Variants in ROBO4 observed in about 807,000 individuals in gnomAD.
ROBO4 encodes roundabout homolog 4.
A neutral mutation model predicts 103.3 loss-of-function variants in ROBO4; 80 were observed. The ratio of observed to expected loss-of-function variants is 0.77; its 90% CI spans 0.65 to 0.93. The LOEUF is 0.93. Among genes scored for constraint, ROBO4 ranks in the 40% least tolerant of loss-of-function variants. The pLI is 0.00. For synonymous variants in ROBO4, 504 were observed against 529.7 expected (o/e 0.95, Z 0.67); for missense variants, 1,333 against 1,305.3 (o/e 1.02, Z -0.33).
intron 1 of ROBO4, chr11:124,897,470 GCT>G (rs10553259): frequency 0.5 from 248,030 of 492,814 alleles, 34,219 homozygotes; most frequent in African/African-American, 0.62. Context: ...TAGCATGTTC[GCT>G]CTCTCTCTCT....
chr11:124,895,010 G>A, intron 7 of ROBO4, 71 bp downstream of exon 7: 3 of 1,157,786 alleles, frequency 2.6e-6, no homozygotes. Flanking sequence ...CAGAGCAAGG[G>A]TATGCAGAAC....
Position 124,885,127 on chromosome 11 carries a change from A to C in ROBO4, c.2915T>G (p.Leu972Arg). ...EDMEVSHTQR[L>R]GRGMPPWPPD... The stretch of plus-strand genomic sequence containing the variant: ...GGGCCAGGGAGGCATCCCCCTTCCC[A>C]GCCGCTGGGTGTGGCTGACCTCCAT... The change falls in exon 17 of 18, where the codon CTG (leucine) becomes CGG (arginine). Residue 972 changes from leucine to arginine, a missense_variant. Coordinates refer to ENST00000306534, the MANE Select transcript of ROBO4 (RefSeq NM_019055.6). 1 of 1,614,132 alleles carries C rather than the reference A, an allele frequency of 6.2e-7. No homozygotes were observed. Among genetic ancestry groups the C allele is most frequent in the Non-Finnish European group, 8.5e-7 (1 of 1,180,030 alleles).
intron 12 of ROBO4, among the ~76,000 whole-genome samples, chr11:124,889,373 T>C (rs1275670533): frequency 6.6e-6 from 1 of 152,162 alleles, no homozygotes; most frequent in East Asian, 1.9e-4. Context: ...CAGCCAGGCC[T>C]GGAAAAGGCC....
rs11827448 is a variant in ROBO4, at chr11:124,894,392, C to G, written c.1150-23G>C. On this transcript the variant is annotated intron_variant, in intron 7 of 17. Transcript: ENST00000306534. Reference sequence around the variant, plus strand: ...GACCTGAGGCACAAGCAGAGGTGAACAGCTTCCCCAGGCACCATCCCAGAA... The same window carrying G: ...GACCTGAGGCACAAGCAGAGGTGAAGAGCTTCCCCAGGCACCATCCCAGAA... The G allele has an allele frequency of 4.5e-3, 7,142 of 1,597,922 alleles. 290 individuals carry two copies. The African/African-American group carries it at 0.083, about 19-fold the overall frequency.
In ROBO4 at chr11:124,893,994, G is replaced by T; in HGVS notation, c.1370C>A (p.Thr457Asn). 1.9e-6 allele frequency: 3 copies of T among 1,577,456 alleles called. No individual in the cohort carries two copies. Among genetic ancestry groups the T allele is most frequent in the South Asian group, 1.2e-5 (1 of 84,074 alleles). Reference protein sequence around the residue: ...TQEPSEHGPWTLEQLRATLKR... With the variant: ...TQEPSEHGPWNLEQLRATLKR... Reference sequence around the variant, plus strand: ...CAAGGTAGCCCTCAGCTGCTCCAGGGTCCAGGGACCATGCTCACTGGGTTC... The same window carrying T: ...CAAGGTAGCCCTCAGCTGCTCCAGGTTCCAGGGACCATGCTCACTGGGTTC... Residue 457 changes from threonine (T) to asparagine (N), a missense_variant, in exon 9 of 18, where the codon ACC (threonine) becomes AAC (asparagine). Transcript: ENST00000306534.
rs142697888 is a variant in ROBO4 at position 124,895,501 on chromosome 11, C to T, written c.992G>A (p.Arg331Gln). 2.3e-5 allele frequency: 37 copies of T among 1,611,198 alleles called. No homozygotes were observed. Among genetic ancestry groups the T allele is most frequent in the African/African-American group, 1.3e-4 (10 of 75,042 alleles). ...GAGCAGCACGTTGCTGTCAGGGCCT[C>T]GAGCCCGGCCAGAGGATGGTCTCAC... is the stretch of plus-strand genomic sequence containing the variant. The part of the protein sequence containing the change: ...FKVRPSSGRA[R>Q]GPDSNVLLLR... Residue 331 changes from arginine (R) to glutamine (Q), a missense_variant, in exon 6 of 18, where the codon CGA (arginine) becomes CAA (glutamine). Coordinates refer to ENST00000306534, the MANE Select transcript of ROBO4 (RefSeq NM_019055.6).
rs1234002649 is a variant in ROBO4, at chr11:124,887,177, C to T, written c.2235G>A (p.Leu745=). ...PVAPQAPSSI[L]LPAAPIPILS... ...GGATGGGGATGGGGGCTGCTGGCAG[C>T]AGGATGGAGGAGGGAGCCTGTGGTG... is the stretch of plus-strand genomic sequence containing the variant. Residue 745 remains leucine (L), a synonymous_variant, in exon 15 of 18, where the codon CTG becomes CTA. Transcript: ENST00000306534. 1 of 1,602,556 alleles carries T rather than the reference C, an allele frequency of 6.2e-7. No homozygotes were observed.
Position 124,894,026 on chromosome 11 carries a change from G to C in ROBO4, c.1338C>G (p.Ala446=). The C allele has an allele frequency of 6.4e-7, 1 of 1,553,122 alleles. No individual in the cohort carries two copies. The highest frequency in any genetic ancestry group is 8.7e-7 in the Non-Finnish European group (1 of 1,149,992). ...CLLLEQAMER[A]TQEPSEHGPW... ...GACCATGCTCACTGGGTTCTTGGGT[G>C]GCTCGCTCCATGGCCTGCTCTGTAT... is the stretch of plus-strand genomic sequence containing the variant. Residue 446 remains alanine, a synonymous_variant, in exon 9 of 18, where the codon GCC becomes GCG. Transcript: ENST00000306534.
chr11:124,884,565 C>A lies in ROBO4; in HGVS notation c.*326G>T. 1 of 419,920 alleles carries A rather than the reference C, an allele frequency of 2.4e-6. No homozygotes were observed. The highest frequency in any genetic ancestry group is 3.9e-5 in the Admixed American group (1 of 25,766). The allele number at this position is 419,920 out of a possible 1,614,324, so 26.0% of individuals were successfully genotyped here. On this transcript the variant is annotated 3_prime_UTR_variant, in exon 18 of 18. Transcript: ENST00000306534. ...TCTGGCTCCTCCACTTCCTGTGATCCAAATGGTGGGGGAAGAGCAGCAGGC... is the reference window on the plus strand; with the variant it reads ...TCTGGCTCCTCCACTTCCTGTGATCAAAATGGTGGGGGAAGAGCAGCAGGC...
Position 124,887,455 on chromosome 11 carries a change from T to G in ROBO4, c.2101A>C (p.Lys701Gln). 1 of 1,613,980 alleles carries G rather than the reference T, an allele frequency of 6.2e-7. No individual in the cohort carries two copies. The highest frequency in any genetic ancestry group is 8.5e-7 in the Non-Finnish European group (1 of 1,179,958). ...ALVAWRALGP[K>Q]LLSSSNELVT... ...AGCTCATTTGAGGAGCTGAGGAGTT[T>G]CGGTCCCAGGGCCCGCCAGGCAACC... Residue 701 changes from lysine to glutamine, a missense_variant, in exon 14 of 18, where the codon AAA becomes CAA. Lys to Gln is a moderately conservative substitution (Grantham distance 53, BLOSUM62 1). Coordinates refer to ENST00000306534, the MANE Select transcript of ROBO4 (RefSeq NM_019055.6).
rs779392207 is a variant in ROBO4 at position 124,895,852 on chromosome 11, A to G, written c.740T>C (p.Val247Ala). Residue 247 changes from valine to alanine, a missense_variant, in exon 5 of 18, where the codon GTG becomes GCG. Coordinates refer to ENST00000306534, the MANE Select transcript of ROBO4 (RefSeq NM_019055.6). Reference sequence around the variant, plus strand: ...TGCAGGATCCGGGTTCAGCAGTGTCACATTTTCCAGCTGAATTCGCACAGC... The same window carrying G: ...TGCAGGATCCGGGTTCAGCAGTGTCGCATTTTCCAGCTGAATTCGCACAGC... ...LLAVRIQLENVTLLNPDPAEG... is the reference protein window; with the variant it reads ...LLAVRIQLENATLLNPDPAEG... The G allele has an allele frequency of 1.9e-6, 3 of 1,614,126 alleles. No homozygotes were observed. The South Asian group carries it at 3.3e-5, about 18-fold the overall frequency.
In ROBO4 at chr11:124,891,569, C is replaced by T. The variant is rs1278201358; in HGVS notation, c.1685-7G>A. ...CGGGAGTCCCAGGAGAGCACTGTGA[C>T]ATAAATGACAGGAGGAATTATGGTG... On this transcript the variant is annotated splice_region_variant and splice_polypyrimidine_tract_variant and intron_variant, in intron 11 of 17. Coordinates refer to ENST00000306534, the MANE Select transcript of ROBO4 (RefSeq NM_019055.6). 2 of 1,614,106 alleles carry T rather than the reference C, an allele frequency of 1.2e-6. No homozygotes were observed. The highest frequency in any genetic ancestry group is 1.3e-5 in the African/African-American group (1 of 74,942).
At position 124,891,368 on chromosome 11, in the gene ROBO4, G is replaced by C. The variant is rs759696358; in HGVS notation, c.1879C>G (p.Arg627Gly). 1.9e-6 allele frequency: 3 copies of C among 1,550,452 alleles called. No homozygotes were observed. The highest frequency in any genetic ancestry group is 2.6e-6 in the Non-Finnish European group (3 of 1,149,156). Residue 627 changes from arginine to glycine, a missense_variant, in exon 12 of 18, where the codon CGC (arginine) becomes GGC (glycine). Arg to Gly is a moderately radical substitution (Grantham distance 125). Coordinates refer to ENST00000306534, the MANE Select transcript of ROBO4 (RefSeq NM_019055.6). ...AAGCGGGGAGAAGAGAGTCCCCTGC[G>C]GCTGCAGAGGCTGTCTGAGCTGGAA... is the stretch of plus-strand genomic sequence containing the variant. ...PCSSSDSLCS[R>G]RGLSSPRLSL...
Position 124,886,687 on chromosome 11 carries a change from C to T in ROBO4, c.2571G>A (p.Leu857=), listed in dbSNP as rs371743207. 1.2e-5 allele frequency: 19 copies of T among 1,611,468 alleles called. No individual in the cohort carries two copies. The highest frequency in any genetic ancestry group is 1.6e-5 in the Non-Finnish European group (19 of 1,178,070). Residue 857 remains leucine (L), a synonymous_variant, in exon 16 of 18, where the codon CTG becomes CTA. Coordinates refer to ENST00000306534, the MANE Select transcript of ROBO4 (RefSeq NM_019055.6). ...GGVGPKGGVL[L]CPPRPCLTPT... is the part of the protein sequence containing the mutation. ...GGGTGAGGCAGGGCCGAGGTGGGCA[C>T]AGCAAGACTCCCCCCTTGGGCCCCA...
chr11:124,887,815 T>TG lies in ROBO4; in HGVS notation c.1973dup (p.Leu659ThrfsTer14), dbSNP rs1202378376. ...CCAAGGAGTGGCTGCCCCGGAGCAG[T>TG]GGGGAACTGTTGGCATGCTGCAGCT... On this transcript the variant is annotated frameshift_variant, in exon 13 of 18. Coordinates refer to ENST00000306534, the MANE Select transcript of ROBO4 (RefSeq NM_019055.6). LOFTEE classifies it high-confidence loss of function. 6 of 1,613,752 alleles carry TG rather than the reference T, an allele frequency of 3.7e-6. No homozygotes were observed. Among genetic ancestry groups the TG allele is most frequent in the Non-Finnish European group, 2.5e-6 (3 of 1,179,866 alleles).
rs75208982 is a variant in ROBO4, at chr11:124,884,244, A to G, written c.*647T>C. 0.091 allele frequency: 13,848 copies of G among 152,290 alleles called. 702 individuals carry two copies. The highest frequency in any genetic ancestry group is 0.13 in the South Asian group (648 of 4,822). 9.4% of individuals were successfully genotyped at this position (152,290 alleles called of 1,614,324 possible). On this transcript the variant is annotated 3_prime_UTR_variant, in exon 18 of 18. Transcript: ENST00000306534. ...CAAGTCTTTACCATTTTATGGTATC[A>G]AATTTCTTAAGCTCATAGTGACAAC...
At chr11:124,889,262 G>A (rs1332070901) in intron 12 of ROBO4, among the ~76,000 whole-genome samples, 58 of 152,318 alleles carry the variant, frequency 3.8e-4, no homozygotes, top group Non-Finnish European at 4.4e-5. Flanking sequence ...CACCAACTCT[G>A]CTATCATCAG....
chr11:124,894,408 C>T, intron 7 of ROBO4, 39 bp from the exon 8 acceptor site: 2 of 1,583,784 alleles, frequency 1.3e-6, no homozygotes, highest in Non-Finnish European at 1.7e-6. Flanking sequence ...CCCCAGGCAC[C>T]ATCCCAGAAG....
chr11:124,894,236 G>C lies in ROBO4; in HGVS notation c.1283C>G (p.Ala428Gly), dbSNP rs975275474. ...VQVAAVTGAG[A>G]GEPSRPVCLL... ...GCAGACAGGTCTACTGGGCTCCCCA[G>C]CTCCAGCACCAGTGACTGCAGCCAC... is the stretch of plus-strand genomic sequence containing the variant. Residue 428 changes from alanine (A) to glycine (G), a missense_variant, in exon 8 of 18, where the codon GCT (alanine) becomes GGT (glycine). Ala to Gly is a moderately conservative substitution (Grantham distance 60). Coordinates refer to ENST00000306534, the MANE Select transcript of ROBO4 (RefSeq NM_019055.6). 7 of 1,613,638 alleles carry C rather than the reference G, an allele frequency of 4.3e-6. No individual in the cohort carries two copies. The highest frequency in any genetic ancestry group is 4.0e-5 in the African/African-American group (3 of 74,918).
Sources: allele counts gnomAD v4.1 joint callset (sites outside exome capture counted in the v4.1 genomes callset), GRCh38; gene constraint gnomAD v4.1.1; transcripts MANE v1.5; gene names NCBI Gene and HGNC (gene_info 2026-07-23, HGNC 2026-07-21).